CAMK2D: variants seen among roughly 807,000 people sequenced by gnomAD.
The protein encoded by CAMK2D is calcium/calmodulin dependent protein kinase II delta.
In CAMK2D, 37 loss-of-function variants were observed where a neutral mutation model predicts 84.0. That is an observed-to-expected ratio of 0.44 (90% CI 0.34 to 0.58). The LOEUF (loss-of-function observed/expected upper bound fraction) is 0.58, where lower values mean the gene tolerates loss of function less well. CAMK2D is among the 20% of genes least tolerant of loss of function. The pLI is 0.02. For missense variants in CAMK2D, 448 were observed against 652.5 expected (o/e 0.69, Z 3.41); for synonymous variants, 202 against 212.5 (o/e 0.95, Z 0.43).
Position 113,761,025 on chromosome 4 carries a change from T to C in CAMK2D, c.44A>G (p.Gln15Arg). Residue 15 changes from glutamine to arginine, a missense_variant, in exon 1 of 21, where the codon CAG becomes CGG. Physicochemically the swap from Gln to Arg is conservative, Grantham distance 43. Transcript: ENST00000511664. ...TTACTTTCCAAGCTCCTCGAAAAGC[T>C]GATACTCGTCCGTGAACCTGGTGCA... The part of the protein sequence containing the change: ...TTCTRFTDEY[Q>R]LFEELGKGAF... 1.2e-6 allele frequency: 2 copies of C among 1,614,192 alleles called. No individual in the cohort carries two copies. The highest frequency in any genetic ancestry group is 2.2e-5 in the East Asian group (1 of 44,884).
rs2098959998 is a variant in CAMK2D, at chr4:113,603,049, T to TTC, written c.275+6101_275+6102dup. Among the ~76,000 whole-genome samples, 3 of 152,134 alleles carry TTC rather than the reference T, an allele frequency of 2.0e-5. No individual in the cohort carries two copies. The South Asian group carries it at 6.2e-4, about 32-fold the overall frequency. Reference sequence around the variant, plus strand: ...CAATCTAGCTCCACTTCTCTTATCTTTCGGTAAATTCACATCTCTATAAAC... The same window carrying TTC: ...CAATCTAGCTCCACTTCTCTTATCTTTCTCGGTAAATTCACATCTCTATAAAC... On this transcript the variant is annotated intron_variant, in intron 4 of 20. Coordinates refer to ENST00000511664, the MANE Select transcript of CAMK2D (RefSeq NM_001321571.2).
At chr4:113,582,523 G>A (rs1243737431) in intron 4 of CAMK2D, among the ~76,000 whole-genome samples, 3 of 152,144 alleles carry the variant, frequency 2.0e-5, no homozygotes, top group South Asian at 4.1e-4. Flanking sequence ...TCTGAAAAAT[G>A]TACACCTTAA....
At chr4:113,627,002 T>C (rs1400179667) in intron 3 of CAMK2D, among the ~76,000 whole-genome samples, 1 of 152,178 alleles carries the variant, frequency 6.6e-6, no homozygotes, top group Non-Finnish European at 1.5e-5. Context: ...ATTAAGATTT[T>C]TCATAGAGAT....
intron 2 of CAMK2D, among the ~76,000 whole-genome samples, chr4:113,727,486 CTT>C (rs1169010285): frequency 6.6e-6 from 1 of 152,012 alleles, no homozygotes; most frequent in Non-Finnish European, 1.5e-5. Context: ...AAAAAAAGAA[CTT>C]TGCTCTTTAC....
intron 4 of CAMK2D, among the ~76,000 whole-genome samples, chr4:113,594,414 C>G (rs2098914049): frequency 6.6e-6 from 1 of 152,080 alleles, no homozygotes; most frequent in Admixed American, 6.5e-5. Flanking sequence ...TTTGAAGAGA[C>G]TGAAAAAGTT....
chr4:113,598,889 A>T (rs531200464), intron 4 of CAMK2D, among the ~76,000 whole-genome samples: 17 of 152,272 alleles, frequency 1.1e-4, no homozygotes, highest in African/African-American at 3.9e-4. Flanking sequence ...GCTGGTCTCA[A>T]ATTCTTGACT....
At chr4:113,755,973 C>T (rs542675922) in intron 2 of CAMK2D, among the ~76,000 whole-genome samples, 1 of 152,046 alleles carries the variant, frequency 6.6e-6, no homozygotes, top group African/African-American at 2.4e-5. Context: ...GCTTGAGATG[C>T]TTCCATACTA....
chr4:113,556,001 G>A (rs190737811), intron 4 of CAMK2D, among the ~76,000 whole-genome samples: 5 of 152,182 alleles, frequency 3.3e-5, no homozygotes, highest in Admixed American at 6.5e-5. Flanking sequence ...ACCAGACCAC[G>A]CTGGCACGCT....
chr4:113,505,133 G>T, intron 13 of CAMK2D, 98 bp from the exon 14 acceptor site: 1 of 561,684 alleles, frequency 1.8e-6, no homozygotes, highest in Non-Finnish European at 3.0e-6. Flanking sequence ...TAGACATGAA[G>T]ATAAAGAGCC....
chr4:113,495,108 G>A (rs924326847), intron 16 of CAMK2D, among the ~76,000 whole-genome samples: 7 of 152,136 alleles, frequency 4.6e-5, no homozygotes, highest in South Asian at 2.1e-4. Context: ...CTTCTGCGTC[G>A]CTCAAGCTGG....
intron 17 of CAMK2D, among the ~76,000 whole-genome samples, chr4:113,460,820 G>T (rs979902067): frequency 6.6e-6 from 1 of 151,914 alleles, no homozygotes. Context: ...CTAGTAGCTG[G>T]GAGTATTGGC....
chr4:113,746,941 T>C (rs2099605420), intron 2 of CAMK2D, among the ~76,000 whole-genome samples: 1 of 136,438 alleles, frequency 7.3e-6, no homozygotes, highest in Admixed American at 7.2e-5. Flanking sequence ...CCAAAGTTCC[T>C]ACATCAACCA....
At chr4:113,524,041 TTC>T (rs2098396898) in intron 8 of CAMK2D, among the ~76,000 whole-genome samples, 2 of 152,068 alleles carry the variant, frequency 1.3e-5, no homozygotes, top group Non-Finnish European at 2.9e-5. Flanking sequence ...GGCTAATTTT[TTC>T]TGTTTTTGTA....
At chr4:113,489,013 A>G (rs1034807059) in intron 16 of CAMK2D, among the ~76,000 whole-genome samples, 2 of 152,224 alleles carry the variant, frequency 1.3e-5, no homozygotes, top group Non-Finnish European at 2.9e-5. Context: ...AATATATAAA[A>G]ATAGAGAAAA....
intron 2 of CAMK2D, among the ~76,000 whole-genome samples, chr4:113,673,680 G>A (rs937401689): frequency 6.6e-6 from 1 of 152,240 alleles, no homozygotes; most frequent in Admixed American, 6.5e-5. Flanking sequence ...TCTCTAAAAG[G>A]CCCTAAGGGC....
intron 16 of CAMK2D, among the ~76,000 whole-genome samples, chr4:113,484,431 T>C (rs2097743057): frequency 1.3e-5 from 2 of 152,230 alleles, no homozygotes; most frequent in African/African-American, 2.4e-5. Context: ...TCTGCTTATA[T>C]GATTCCAGAT....
intron 16 of CAMK2D, among the ~76,000 whole-genome samples, chr4:113,498,160 C>T (rs1406613846): frequency 1.3e-5 from 2 of 152,184 alleles, no homozygotes; most frequent in East Asian, 3.8e-4. Flanking sequence ...CTGAGAGCCA[C>T]AGCAATTCTA....
chr4:113,744,950 T>C (rs1423802875), intron 2 of CAMK2D, among the ~76,000 whole-genome samples: 1 of 152,350 alleles, frequency 6.6e-6, no homozygotes, highest in East Asian at 1.9e-4. Context: ...AATCAGTTCT[T>C]GATTCTCACT....
At chr4:113,640,463 CG>C (rs1561535286) in intron 3 of CAMK2D, among the ~76,000 whole-genome samples, 1 of 152,116 alleles carries the variant, frequency 6.6e-6, no homozygotes, top group East Asian at 1.9e-4. Flanking sequence ...TGTTTCCTTA[CG>C]TACAAGACAG....
Sources: allele counts gnomAD v4.1 joint callset (sites outside exome capture counted in the v4.1 genomes callset), GRCh38; gene constraint gnomAD v4.1.1; transcripts MANE v1.5; gene names NCBI Gene and HGNC (gene_info 2026-07-23, HGNC 2026-07-21).